FGF5: variants seen among roughly 807,000 people sequenced by gnomAD.
The protein encoded by FGF5 is heparin-binding growth factor 5.
FGF5 carries 23 observed loss-of-function variants against 21.8 expected under a neutral mutation model. That is an observed-to-expected ratio of 1.05 (90% CI 0.76 to 1.49). The LOEUF (loss-of-function observed/expected upper bound fraction) is 1.49, where lower values mean the gene tolerates loss of function less well. Ranked by LOEUF, FGF5 falls within the 40% of genes most tolerant of loss-of-function variation. FGF5 has a pLI of 0.00. For missense variants in FGF5, 352 were observed against 332.9 expected (o/e 1.06, Z -0.45); for synonymous variants, 158 against 124.0 (o/e 1.27, Z -1.82).
At chr4:80,282,552 T>C (rs1720583451) in intron 2 of FGF5, among the ~76,000 whole-genome samples, 2 of 152,174 alleles carry the variant, frequency 1.3e-5, no homozygotes. Flanking sequence ...TGTTTTCCAC[T>C]GTAAAAGTGG....
chr4:80,273,290 T>G (rs923331309), intron 1 of FGF5, among the ~76,000 whole-genome samples: 16 of 152,088 alleles, frequency 1.1e-4, no homozygotes, highest in Non-Finnish European at 5.9e-5. Flanking sequence ...CCCTAAAGTG[T>G]GTTTTATTTA....
intron 2 of FGF5, among the ~76,000 whole-genome samples, chr4:80,282,717 A>T (rs1224192309): frequency 6.6e-6 from 1 of 152,214 alleles, no homozygotes; most frequent in Non-Finnish European, 1.5e-5. Flanking sequence ...TCAGCAACTT[A>T]TCTGAAATTT....
At position 80,289,532 on chromosome 4, in the gene FGF5, G is replaced by T. The variant is rs1190678938; in HGVS notation, c.*2860G>T. 6.6e-6 allele frequency: 1 copy of T among 151,984 alleles called. No individual in the cohort carries two copies. Among genetic ancestry groups the T allele is most frequent in the Admixed American group, 6.6e-5 (1 of 15,254 alleles). 9.4% of individuals were successfully genotyped at this position (151,984 alleles called of 1,614,324 possible). On this transcript the variant is annotated 3_prime_UTR_variant, in exon 3 of 3. Coordinates refer to ENST00000312465, the MANE Select transcript of FGF5 (RefSeq NM_004464.4). ...ACAATAACTTTTATATTAATATTTA[G>T]GAGTCTATTTTGTCTATAGGTGACA...
chr4:80,286,775 C>T lies in FGF5; in HGVS notation c.*103C>T, dbSNP rs1330479167. On this transcript the variant is annotated 3_prime_UTR_variant, in exon 3 of 3. Transcript: ENST00000312465. ...ATTACTGGACACAGCTTCAGCTATA[C>T]TTACACTGTATTGAAGTCACGTCAT... is the stretch of plus-strand genomic sequence containing the variant. The T allele has an allele frequency of 2.4e-6, 2 of 825,072 alleles. No homozygotes were observed. Among genetic ancestry groups the T allele is most frequent in the Non-Finnish European group, 3.8e-6 (2 of 525,780 alleles). The allele number at this position is 825,072 out of a possible 1,614,324, so 51.1% of individuals were successfully genotyped here.
chr4:80,285,743 G>A (rs1463816078), intron 2 of FGF5, among the ~76,000 whole-genome samples: 1 of 152,050 alleles, frequency 6.6e-6, no homozygotes, highest in Non-Finnish European at 1.5e-5. Flanking sequence ...TAATGCCTGA[G>A]TAAAGATACG....
At chr4:80,278,423 A>G (rs778172210) in intron 2 of FGF5, among the ~76,000 whole-genome samples, 2 of 152,088 alleles carry the variant, frequency 1.3e-5, no homozygotes, top group Admixed American at 1.3e-4. Context: ...TAGAATCTAG[A>G]GAAGAGGGGA....
chr4:80,284,649 A>G (rs1212503152), intron 2 of FGF5, among the ~76,000 whole-genome samples: 1 of 152,224 alleles, frequency 6.6e-6, no homozygotes, highest in Admixed American at 6.5e-5. Flanking sequence ...CATAAAGTGA[A>G]TGTGCTGTTG....
Position 80,286,591 on chromosome 4 carries a change from TA to T in FGF5, c.727del (p.Ile243SerfsTer17). The T allele has an allele frequency of 6.2e-7, 1 of 1,614,068 alleles. No individual in the cohort carries two copies. The highest frequency in any genetic ancestry group is 1.3e-5 in the African/African-American group (1 of 75,044). On this transcript the variant is annotated frameshift_variant, in exon 3 of 3. Transcript: ENST00000312465. LOFTEE classifies it high-confidence loss of function. The stretch of plus-strand genomic sequence containing the variant: ...CTGAAAAGAAAAAGCCACCTAGCCC[TA>T]TCAAGCCAAAGATTCCCCTTTCTGC... Reference protein sequence around the residue: ...VPEKKKPPSPIKPKIPLSAPR... With the variant: ...VPEKKKPPSPXKPKIPLSAPR...
Position 80,290,749 on chromosome 4 carries a change from T to C in FGF5, c.*4077T>C, listed in dbSNP as rs1720879788. On this transcript the variant is annotated 3_prime_UTR_variant, in exon 3 of 3. Transcript: ENST00000312465. The stretch of plus-strand genomic sequence containing the variant: ...TTCCCCTTCGTGTGTCCATGTGTTC[T>C]TATTGTTCAATTCCCACCTATGAGT... 1 of 152,076 alleles carries C rather than the reference T, an allele frequency of 6.6e-6. No individual in the cohort carries two copies. Among genetic ancestry groups the C allele is most frequent in the Non-Finnish European group, 1.5e-5 (1 of 68,020 alleles). The allele number at this position is 152,076 out of a possible 1,614,324, so 9.4% of individuals were successfully genotyped here.
chr4:80,282,981 C>T (rs1283907584), intron 2 of FGF5, among the ~76,000 whole-genome samples: 1 of 151,992 alleles, frequency 6.6e-6, no homozygotes, highest in Non-Finnish European at 1.5e-5. Flanking sequence ...AAAGATGGTC[C>T]ATGCACAACA....
At chr4:80,272,297 C>T (rs1469491421) in intron 1 of FGF5, among the ~76,000 whole-genome samples, 1 of 151,986 alleles carries the variant, frequency 6.6e-6, no homozygotes, top group Non-Finnish European at 1.5e-5. Flanking sequence ...TCATTTTTAT[C>T]CTGGAAGTTT....
intron 1 of FGF5, chr4:80,268,547 G>T (rs1308056715): frequency 4.1e-6 from 4 of 985,956 alleles, no homozygotes; most frequent in Non-Finnish European, 4.8e-6. Context: ...TCTCCAGAGG[G>T]GGGTCGGAGG....
Position 80,267,193 on chromosome 4 carries a change from T to G in FGF5, c.355+14T>G. 6.3e-7 allele frequency: 1 copy of G among 1,577,644 alleles called. No homozygotes were observed. Among genetic ancestry groups the G allele is most frequent in the South Asian group, 1.2e-5 (1 of 85,896 alleles). On this transcript the variant is annotated intron_variant, in intron 1 of 2. Transcript: ENST00000312465. ...CCAATATGTTAAGTAAGTTACTCGCTCTCCTACAAAACCCGTCCTAGGCGG... is the reference window on the plus strand; with the variant it reads ...CCAATATGTTAAGTAAGTTACTCGCGCTCCTACAAAACCCGTCCTAGGCGG...
At chr4:80,278,378 C>T (rs1244016151) in intron 2 of FGF5, among the ~76,000 whole-genome samples, 3 of 151,950 alleles carry the variant, frequency 2.0e-5, no homozygotes, top group African/African-American at 7.3e-5. Flanking sequence ...ACTGGTGTTT[C>T]CCCCATCTAC....
chr4:80,277,718 A>G (rs1306652984), intron 2 of FGF5, among the ~76,000 whole-genome samples: 2 of 152,128 alleles, frequency 1.3e-5, no homozygotes, highest in African/African-American at 4.8e-5. Context: ...TTTAAACTAA[A>G]AATTTTGCGG....
chr4:80,284,076 A>G (rs1486263177), intron 2 of FGF5, among the ~76,000 whole-genome samples: 1 of 152,212 alleles, frequency 6.6e-6, no homozygotes, highest in African/African-American at 2.4e-5. Flanking sequence ...GCCTAAATGC[A>G]GGCTGGCAAG....
intron 2 of FGF5, among the ~76,000 whole-genome samples, chr4:80,282,982 A>G (rs1560501472): frequency 6.6e-6 from 1 of 152,182 alleles, no homozygotes; most frequent in Non-Finnish European, 1.5e-5. Flanking sequence ...AAGATGGTCC[A>G]TGCACAACAT....
At chr4:80,267,740 G>A (rs77812498) in intron 1 of FGF5, among the ~76,000 whole-genome samples, 2 of 139,714 alleles carry the variant, frequency 1.4e-5, no homozygotes, top group African/African-American at 6.7e-5. Context: ...TAGGTAGATA[G>A]ATAGATAGAT....
intron 1 of FGF5, among the ~76,000 whole-genome samples, chr4:80,273,940 T>C (rs954916846): frequency 1.3e-5 from 2 of 152,082 alleles, no homozygotes; most frequent in African/African-American, 2.4e-5. Flanking sequence ...TAAAACACAT[T>C]ATAGCTCTAT....
Sources: gnomAD v4.1 joint callset for allele counts (sites outside exome capture counted in the v4.1 genomes callset) on GRCh38, gnomAD v4.1.1 for gene constraint, MANE v1.5 for transcripts, NCBI Gene and HGNC (gene_info 2026-07-23, HGNC 2026-07-21) for gene names.